Variants in ENTREP2 observed in about 807,000 individuals in gnomAD.
ENTREP2 encodes the protein endosomal transmembrane epsin interactor 2, also known as protein ENTREP2.
chr15:29,353,504 GGT>G, the ENTREP2 span, among the ~76,000 whole-genome samples: 1 of 152,104 alleles, frequency 6.6e-6, no homozygotes, highest in Non-Finnish European at 1.5e-5. Context: ...TATGTCTATG[GGT>G]GTGTGTATGT....
the ENTREP2 span, among the ~76,000 whole-genome samples, chr15:29,466,779 A>G: frequency 0.6 from 45,776 of 76,464 alleles, 11,979 homozygotes; most frequent in African/African-American, 0.71. Context: ...AGCCCCCAGG[A>G]GAGGGCCCAG....
chr15:29,587,138 CGTGTGTGTGTGTGTGTGTGTGT>C, the ENTREP2 span, among the ~76,000 whole-genome samples: 1 of 123,970 alleles, frequency 8.1e-6, no homozygotes, highest in Non-Finnish European at 1.8e-5. Flanking sequence ...TGTAGCTAAC[CGTGTGTGTGTGTGTGTGTGTGT>C]GTGTGTGTGT....
At chr15:29,645,438 A>G in the ENTREP2 span, among the ~76,000 whole-genome samples, 1 of 152,224 alleles carries the variant, frequency 6.6e-6, no homozygotes. Context: ...ATCAGAAAGC[A>G]CGAATGTTGA....
At chr15:29,264,385 G>A in the ENTREP2 span, among the ~76,000 whole-genome samples, 1 of 152,084 alleles carries the variant, frequency 6.6e-6, no homozygotes, top group South Asian at 2.1e-4. Context: ...CTCCACACAA[G>A]TTATTTGTTT....
the ENTREP2 span, among the ~76,000 whole-genome samples, chr15:29,549,312 C>T: frequency 6.6e-6 from 1 of 150,984 alleles, no homozygotes; most frequent in African/African-American, 2.4e-5. Flanking sequence ...CTCTGTAGCC[C>T]AGGCTGGAGT....
chr15:29,542,510 T>C, the ENTREP2 span, among the ~76,000 whole-genome samples: 1 of 151,438 alleles, frequency 6.6e-6, no homozygotes, highest in African/African-American at 2.4e-5. Context: ...TTCACTGTGT[T>C]AGCCAGGACT....
chr15:29,468,095 T>C, the ENTREP2 span, among the ~76,000 whole-genome samples: 1,056 of 152,308 alleles, frequency 6.9e-3, 7 homozygotes, highest in African/African-American at 0.024. Context: ...AAGATCATCA[T>C]GCATTGTTTT....
the ENTREP2 span, among the ~76,000 whole-genome samples, chr15:29,249,625 A>G: frequency 6.6e-6 from 1 of 152,120 alleles, no homozygotes; most frequent in Non-Finnish European, 1.5e-5. Flanking sequence ...ATATGAAAGG[A>G]GCATACCTTT....
the ENTREP2 span, among the ~76,000 whole-genome samples, chr15:29,271,999 G>T: frequency 6.6e-6 from 1 of 152,106 alleles, no homozygotes; most frequent in Non-Finnish European, 1.5e-5. Flanking sequence ...TTACCAAGCA[G>T]CCCACCAGTC....
chr15:29,178,541 C>T, the ENTREP2 span, among the ~76,000 whole-genome samples: 37 of 152,002 alleles, frequency 2.4e-4, no homozygotes, highest in Middle Eastern at 6.8e-3. Context: ...GGGGCCTGGG[C>T]GAGCGCTAGA....
At chr15:29,607,304 C>CTTTTTTTTTTTT in the ENTREP2 span, among the ~76,000 whole-genome samples, 1 of 131,796 alleles carries the variant, frequency 7.6e-6, no homozygotes, top group African/African-American at 2.9e-5. Flanking sequence ...CTCTTCATTT[C>CTTTTTTTTTTTT]TTTTTTTTTT....
chr15:29,585,555 C>G, the ENTREP2 span, among the ~76,000 whole-genome samples: 1,529 of 152,210 alleles, frequency 0.01, 30 homozygotes, highest in African/African-American at 0.035. Flanking sequence ...GCCAGTGGAA[C>G]ATAAAACGGC....
the ENTREP2 span, among the ~76,000 whole-genome samples, chr15:29,235,941 C>T: frequency 2.4e-4 from 36 of 151,380 alleles, no homozygotes; most frequent in African/African-American, 5.6e-4. Context: ...CCAGCCTGGG[C>T]GACAGAGTGA....
chr15:29,263,570 A>G, the ENTREP2 span, among the ~76,000 whole-genome samples: 3 of 152,160 alleles, frequency 2.0e-5, no homozygotes, highest in Admixed American at 6.5e-5. Flanking sequence ...GGAATTAATC[A>G]AATAAGTAAA....
At chr15:29,258,166 T>C in the ENTREP2 span, among the ~76,000 whole-genome samples, 2 of 145,424 alleles carry the variant, frequency 1.4e-5, no homozygotes, top group Admixed American at 7.1e-5. Flanking sequence ...GGAGCCGAGA[T>C]TGCACCACTG....
the ENTREP2 span, among the ~76,000 whole-genome samples, chr15:29,337,650 CATCAGGAA>C: frequency 1.3e-5 from 2 of 152,202 alleles, no homozygotes; most frequent in African/African-American, 2.4e-5. Flanking sequence ...AGATCAACCC[CATCAGGAA>C]GAAAGTTAAA....
chr15:29,345,345 C>A, the ENTREP2 span, among the ~76,000 whole-genome samples: 1 of 152,118 alleles, frequency 6.6e-6, no homozygotes, highest in Non-Finnish European at 1.5e-5. Flanking sequence ...AGCAGCTCAG[C>A]CGAGTGGGGC....
chr15:29,476,941 G>A, the ENTREP2 span, among the ~76,000 whole-genome samples: 4 of 152,114 alleles, frequency 2.6e-5, no homozygotes, highest in Non-Finnish European at 2.9e-5. Context: ...CCAAACAGGC[G>A]CGTATGCTCA....
At chr15:29,326,616 A>T in the ENTREP2 span, among the ~76,000 whole-genome samples, 1 of 152,200 alleles carries the variant, frequency 6.6e-6, no homozygotes, top group Non-Finnish European at 1.5e-5. Context: ...CAGAAAGACA[A>T]TATTGTTAAT....
Sources: gnomAD v4.1 joint callset for allele counts (sites outside exome capture counted in the v4.1 genomes callset) on GRCh38, gnomAD v4.1.1 for gene constraint, MANE v1.5 for transcripts, NCBI Gene and HGNC (gene_info 2026-07-23, HGNC 2026-07-21) for gene names.